CTNNA3: variants seen among roughly 807,000 people sequenced by gnomAD.
CTNNA3 encodes catenin alpha 3.
A neutral mutation model predicts 95.7 loss-of-function variants in CTNNA3; 76 were observed. The observed-to-expected ratio is 0.79, with a 90% CI of 0.66 to 0.96. The LOEUF is 0.96. Ranked by LOEUF, CTNNA3 falls within the 40% of genes least tolerant of loss-of-function variation. The pLI is 0.00. For missense variants in CTNNA3, 1,191 were observed against 1,089.8 expected, an observed-to-expected ratio of 1.09 and a Z score of -1.31; for synonymous variants, 431 against 374.4, an observed-to-expected ratio of 1.15 and a Z score of -1.74.
At chr10:66,095,834 T>C (rs1190963342) in intron 14 of CTNNA3, among the ~76,000 whole-genome samples, 1 of 152,146 alleles carries the variant, frequency 6.6e-6, no homozygotes, top group African/African-American at 2.4e-5. Flanking sequence ...AAATTACTTC[T>C]ATTTATAGAC....
At chr10:67,263,208 A>G (rs1259203047) in intron 5 of CTNNA3, among the ~76,000 whole-genome samples, 2 of 152,180 alleles carry the variant, frequency 1.3e-5, no homozygotes, top group African/African-American at 2.4e-5. Context: ...TGTTTCAGCC[A>G]TCAACTTCAT....
intron 11 of CTNNA3, among the ~76,000 whole-genome samples, chr10:66,488,908 CT>C (rs145838997): frequency 4.7e-4 from 69 of 147,134 alleles, no homozygotes; most frequent in East Asian, 4.0e-3. Context: ...TAAAAGTAGA[CT>C]TTTTTTTTTG....
At chr10:66,164,078 G>A (rs540824218) in intron 13 of CTNNA3, among the ~76,000 whole-genome samples, 12 of 152,232 alleles carry the variant, frequency 7.9e-5, no homozygotes, top group Middle Eastern at 3.4e-3. Context: ...GTTTGAGAGC[G>A]TGCTAATGTC....
At chr10:66,552,201 C>T (rs995291737) in intron 10 of CTNNA3, among the ~76,000 whole-genome samples, 7 of 152,094 alleles carry the variant, frequency 4.6e-5, no homozygotes, top group Non-Finnish European at 1.0e-4. Context: ...CCACTCTTGG[C>T]CGGGATTAGG....
At chr10:66,708,562 G>GT (rs140537022) in intron 9 of CTNNA3, among the ~76,000 whole-genome samples, 11,804 of 151,986 alleles carry the variant, frequency 0.078, 509 homozygotes, top group Middle Eastern at 0.13. Context: ...TCCAAGGAAG[G>GT]TGCTAGGAGT....
At chr10:66,818,304 A>C (rs946456680) in intron 7 of CTNNA3, among the ~76,000 whole-genome samples, 1 of 101,308 alleles carries the variant, frequency 9.9e-6, no homozygotes, top group African/African-American at 3.8e-5. Flanking sequence ...AAGAAAAATA[A>C]ATAAAAGTAG....
intron 12 of CTNNA3, among the ~76,000 whole-genome samples, chr10:66,290,669 T>C (rs565567084): frequency 4.0e-5 from 6 of 149,732 alleles, no homozygotes; most frequent in Non-Finnish European, 7.4e-5. Flanking sequence ...AGAGTTAAAG[T>C]ACTAGAGTTT....
chr10:66,446,327 G>A (rs892587470), intron 11 of CTNNA3, among the ~76,000 whole-genome samples: 3 of 152,048 alleles, frequency 2.0e-5, no homozygotes, highest in Non-Finnish European at 4.4e-5. Context: ...CATTTTATGA[G>A]GCCAGCATCA....
chr10:67,437,488 A>G (rs1366686848), intron 5 of CTNNA3, among the ~76,000 whole-genome samples: 1 of 152,162 alleles, frequency 6.6e-6, no homozygotes, highest in African/African-American at 2.4e-5. Flanking sequence ...CAATAAATTT[A>G]ATAAATACCC....
chr10:67,491,123 G>C (rs1207472089), intron 5 of CTNNA3, among the ~76,000 whole-genome samples: 1 of 151,880 alleles, frequency 6.6e-6, no homozygotes, highest in Non-Finnish European at 1.5e-5. Flanking sequence ...AAAACCAATA[G>C]TGAATCAAAA....
At chr10:66,293,129 T>C (rs948149142) in intron 12 of CTNNA3, among the ~76,000 whole-genome samples, 6 of 152,130 alleles carry the variant, frequency 3.9e-5, no homozygotes, top group African/African-American at 1.4e-4. Context: ...TAGCAAAAAA[T>C]GAATCACAAA....
rs187501798 is a variant in CTNNA3, at chr10:66,601,591, T to C, written c.1374+20101A>G. ...CCAAGTTTCTGCACACTGTCTGTTA[T>C]ACTAACCATCTGTAATGGGAGGACT... On this transcript the variant is annotated intron_variant, in intron 10 of 17. Transcript: ENST00000433211. 1.8e-4 allele frequency among the ~76,000 whole-genome samples: 27 copies of C among 152,032 alleles called. No homozygotes were observed. In the East Asian group the frequency reaches 5.2e-3, roughly 29 times the overall value.
intron 9 of CTNNA3, among the ~76,000 whole-genome samples, chr10:66,719,047 C>A (rs1848543911): frequency 6.6e-6 from 1 of 152,146 alleles, no homozygotes; most frequent in South Asian, 2.1e-4. Context: ...TTCAGTGTAT[C>A]AAATCACTCA....
intron 5 of CTNNA3, among the ~76,000 whole-genome samples, chr10:67,370,131 T>C (rs111515871): frequency 6.6e-6 from 1 of 152,132 alleles, no homozygotes; most frequent in Non-Finnish European, 1.5e-5. Flanking sequence ...TGTCCATCAA[T>C]AAAGGACTGG....
chr10:67,702,978 T>C (rs932766436), intron 1 of CTNNA3, among the ~76,000 whole-genome samples: 4 of 151,998 alleles, frequency 2.6e-5, no homozygotes, highest in African/African-American at 9.7e-5. Flanking sequence ...CAAACTACCA[T>C]CAGAGAATAC....
intron 3 of CTNNA3, among the ~76,000 whole-genome samples, chr10:67,543,417 A>G (rs1212403205): frequency 6.6e-6 from 1 of 152,114 alleles, no homozygotes; most frequent in East Asian, 1.9e-4. Context: ...TTTATTTTAT[A>G]AAGCTTCCTA....
chr10:67,219,493 T>G, intron 6 of CTNNA3, 114 bp downstream of exon 6: 2 of 1,202,836 alleles, frequency 1.7e-6, no homozygotes, highest in South Asian at 3.6e-5. Flanking sequence ...GAGACTAATC[T>G]GGATTTTTTA....
chr10:67,580,682 A>C (rs1319955158), intron 3 of CTNNA3, among the ~76,000 whole-genome samples: 1 of 151,182 alleles, frequency 6.6e-6, no homozygotes, highest in African/African-American at 2.4e-5. Flanking sequence ...GATTCTTCCT[A>C]CCCATGAGCA....
intron 13 of CTNNA3, among the ~76,000 whole-genome samples, chr10:66,195,603 T>C (rs1589696425): frequency 6.6e-6 from 1 of 152,158 alleles, no homozygotes; most frequent in Non-Finnish European, 1.5e-5. Flanking sequence ...GTCCAGGAGT[T>C]TCCACATGAG....
Sources: gnomAD v4.1 joint callset for allele counts (sites outside exome capture counted in the v4.1 genomes callset) on GRCh38, gnomAD v4.1.1 for gene constraint, MANE v1.5 for transcripts, NCBI Gene and HGNC (gene_info 2026-07-23, HGNC 2026-07-21) for gene names.